Variants in NCOA7 observed in about 807,000 individuals in gnomAD.
NCOA7 encodes the protein 140 kDa estrogen receptor-associated protein.
A neutral mutation model predicts 104.3 loss-of-function variants in NCOA7; 45 were observed. The ratio of observed to expected loss-of-function variants is 0.43; its 90% CI spans 0.34 to 0.55. NCOA7 has a LOEUF of 0.55. Among genes scored for constraint, NCOA7 ranks in the 20% least tolerant of loss-of-function variants. The probability of loss-of-function intolerance (pLI) is 0.02; values close to 1 mark genes in which losing one functional copy is unlikely to be tolerated. For synonymous variants in NCOA7, 398 were observed against 402.3 expected (o/e 0.99, Z 0.13); for missense variants, 1,041 against 1,119.7 (o/e 0.93, Z 1.00).
intron 1 of NCOA7, among the ~76,000 whole-genome samples, chr6:125,808,054 G>T (rs1389143013): frequency 2.6e-5 from 4 of 152,166 alleles, no homozygotes; most frequent in Non-Finnish European, 1.5e-5. Flanking sequence ...CTATGTCAGG[G>T]AGGGAAATTA....
intron 13 of NCOA7, among the ~76,000 whole-genome samples, chr6:125,926,382 G>T (rs1788036494): frequency 6.6e-6 from 1 of 151,898 alleles, no homozygotes; most frequent in African/African-American, 2.4e-5. Flanking sequence ...TCTATGGAGG[G>T]TGTGAAAGTA....
intron 2 of NCOA7, among the ~76,000 whole-genome samples, chr6:125,822,393 T>C (rs1778269911): frequency 1.3e-5 from 2 of 152,252 alleles, no homozygotes; most frequent in African/African-American, 4.8e-5. Context: ...GTTGGAACTT[T>C]ATGAAGTAAT....
chr6:125,896,336 T>C (rs775001306), intron 10 of NCOA7, among the ~76,000 whole-genome samples: 19 of 152,160 alleles, frequency 1.2e-4, no homozygotes, highest in Non-Finnish European at 2.2e-4. Context: ...CTGAGTGTTA[T>C]GATTCTTTAT....
intron 3 of NCOA7, among the ~76,000 whole-genome samples, chr6:125,866,193 G>A (rs897270205): frequency 6.6e-6 from 1 of 151,430 alleles, no homozygotes; most frequent in Non-Finnish European, 1.5e-5. Context: ...GCTGGGCATG[G>A]TGGCACATGC....
chr6:125,914,075 C>T (rs151026986), intron 10 of NCOA7, among the ~76,000 whole-genome samples: 1 of 152,304 alleles, frequency 6.6e-6, no homozygotes, highest in East Asian at 1.9e-4. Context: ...AAAATCATGC[C>T]CCTTGGCCCA....
intron 3 of NCOA7, among the ~76,000 whole-genome samples, chr6:125,873,383 GT>G (rs953256745): frequency 2.6e-5 from 4 of 151,728 alleles, no homozygotes; most frequent in Admixed American, 2.6e-4. Flanking sequence ...TTATTTATGT[GT>G]TTTTTTTAGT....
chr6:125,864,021 T>TG (rs151147025), intron 3 of NCOA7, among the ~76,000 whole-genome samples: 14,860 of 134,534 alleles, frequency 0.11, 3,117 homozygotes, highest in African/African-American at 0.14. Context: ...CAGGTTTTTT[T>TG]GGGGGGGGCA....
intron 10 of NCOA7, chr6:125,899,895 T>G (rs1479931000): frequency 6.1e-6 from 3 of 491,962 alleles, no homozygotes; most frequent in Non-Finnish European, 8.7e-6. Flanking sequence ...TCTTTGTAAG[T>G]GAGCTCTTCA....
At position 125,928,676 on chromosome 6, in the gene NCOA7, G is replaced by A; in HGVS notation, c.2734G>A (p.Gly912Arg). Residue 912 changes from glycine to arginine, a missense_variant, in exon 16 of 16, where the codon GGA (glycine) becomes AGA (arginine). Gly to Arg is a moderately radical substitution (Grantham distance 125). Around this residue, in one of 2 missense-constraint regions of NCOA7, gnomAD observed 127 missense variants for 177.0 expected, o/e 0.72. Transcript: ENST00000392477. The stretch of plus-strand genomic sequence containing the variant: ...ATGGCTAGATGCTGATTTATACCAC[G>A]GACGAAGCAACTCTTGCAGCACTTT... ...GLWLDADLYH[G>R]RSNSCSTFNN... 1.9e-6 allele frequency: 3 copies of A among 1,612,966 alleles called. No homozygotes were observed. The highest frequency in any genetic ancestry group is 1.7e-6 in the Non-Finnish European group (2 of 1,179,748).
At chr6:125,841,435 G>A (rs536951714) in intron 2 of NCOA7, among the ~76,000 whole-genome samples, 1 of 152,150 alleles carries the variant, frequency 6.6e-6, no homozygotes, top group South Asian at 2.1e-4. Flanking sequence ...CGTTTAGCAA[G>A]GCATGATTAT....
At chr6:125,802,751 G>T (rs953894868) in intron 1 of NCOA7, among the ~76,000 whole-genome samples, 1 of 152,124 alleles carries the variant, frequency 6.6e-6, no homozygotes, top group Admixed American at 6.5e-5. Context: ...CAAGTTTTAT[G>T]ACAAGCAACT....
intron 3 of NCOA7, among the ~76,000 whole-genome samples, chr6:125,867,405 C>A (rs1365538077): frequency 6.7e-6 from 1 of 149,964 alleles, no homozygotes; most frequent in South Asian, 2.1e-4. Context: ...AAAAGTACTT[C>A]TTTTCCTTTT....
chr6:125,854,711 T>A (rs1358880500), intron 2 of NCOA7, among the ~76,000 whole-genome samples: 1 of 152,240 alleles, frequency 6.6e-6, no homozygotes, highest in Non-Finnish European at 1.5e-5. Context: ...TTGTGATTTT[T>A]AAAAATACTC....
intron 2 of NCOA7, among the ~76,000 whole-genome samples, chr6:125,822,659 G>T (rs1468042471): frequency 5.3e-5 from 8 of 152,180 alleles, no homozygotes; most frequent in African/African-American, 1.9e-4. Flanking sequence ...TTAGGGCCAA[G>T]CATGGTGGCC....
chr6:125,812,719 A>G (rs1488499353), intron 1 of NCOA7, among the ~76,000 whole-genome samples: 1 of 152,132 alleles, frequency 6.6e-6, no homozygotes. Context: ...CAAAGGCACA[A>G]TGTCCACAAC....
intron 3 of NCOA7, among the ~76,000 whole-genome samples, chr6:125,865,593 A>T (rs1729975781): frequency 7.3e-6 from 1 of 136,702 alleles, no homozygotes; most frequent in Admixed American, 6.9e-5. Context: ...CTTTTTATAG[A>T]GTCAGGTCAA....
chr6:125,827,188 CAAAAAAAAAAAAAAA>C (rs66522338), intron 2 of NCOA7, among the ~76,000 whole-genome samples: 14 of 79,020 alleles, frequency 1.8e-4, no homozygotes, highest in East Asian at 5.8e-4. Flanking sequence ...AACTCCATCT[CAAAAAAAAAAAAAAA>C]AAAAAAAAAA....
intron 2 of NCOA7, among the ~76,000 whole-genome samples, chr6:125,840,500 T>C (rs1309349793): frequency 6.6e-6 from 1 of 151,968 alleles, no homozygotes; most frequent in East Asian, 1.9e-4. Flanking sequence ...GTAAGGACCC[T>C]ATACAGGTAT....
chr6:125,917,658 G>A (rs911899877), intron 11 of NCOA7, among the ~76,000 whole-genome samples: 2 of 152,186 alleles, frequency 1.3e-5, no homozygotes, highest in Non-Finnish European at 2.9e-5. Context: ...GGGAAAAAGA[G>A]ACACAAGCCA....
Sources: allele counts gnomAD v4.1 joint callset (sites outside exome capture counted in the v4.1 genomes callset), GRCh38; gene constraint gnomAD v4.1.1; regional missense constraint gnomAD v4.1.1; transcripts MANE v1.5; gene names NCBI Gene and HGNC (gene_info 2026-07-23, HGNC 2026-07-21).